Variants in EIF2AK4 observed in about 807,000 individuals in gnomAD.
The protein encoded by EIF2AK4 is eukaryotic translation initiation factor 2 alpha kinase 4.
A neutral mutation model predicts 211.1 loss-of-function variants in EIF2AK4; 139 were observed. That is an observed-to-expected ratio of 0.66 (90% CI 0.57 to 0.76). EIF2AK4 has a LOEUF of 0.76. Among genes scored for constraint, EIF2AK4 ranks in the 30% least tolerant of loss-of-function variants. The probability of loss-of-function intolerance (pLI) is 0.00; values close to 1 mark genes in which losing one functional copy is unlikely to be tolerated. For missense variants in EIF2AK4, 1,664 were observed against 2,043.8 expected (o/e 0.81, Z 3.58); for synonymous variants, 710 against 751.3 (o/e 0.94, Z 0.90).
intron 7 of EIF2AK4, among the ~76,000 whole-genome samples, chr15:39,963,519 G>T (rs1028294009): frequency 2.6e-5 from 4 of 151,992 alleles, no homozygotes; most frequent in Non-Finnish European, 4.4e-5. Flanking sequence ...TGCCCTAATT[G>T]TCTATGAAAT....
chr15:39,950,955 A>G (rs1332538425), intron 4 of EIF2AK4, among the ~76,000 whole-genome samples: 2 of 152,220 alleles, frequency 1.3e-5, no homozygotes, highest in Admixed American at 1.3e-4. Context: ...TTTGATTTGC[A>G]TTAATGCTTT....
chr15:40,017,025 A>C, intron 28 of EIF2AK4, 83 bp from the exon 29 acceptor site: 1 of 1,542,746 alleles, frequency 6.5e-7, no homozygotes, highest in Non-Finnish European at 8.9e-7. Flanking sequence ...GATGCTATTG[A>C]TGGGAAACAC....
intron 18 of EIF2AK4, among the ~76,000 whole-genome samples, chr15:39,995,185 G>A (rs1566998106): frequency 2.6e-5 from 4 of 152,082 alleles, no homozygotes; most frequent in Non-Finnish European, 2.9e-5. Context: ...GGGCATCTTA[G>A]ACATCAGTAA....
At chr15:40,022,482 CTG>C in intron 31 of EIF2AK4, 35 bp from the exon 32 acceptor site, 11 of 1,555,112 alleles carry the variant, frequency 7.1e-6, no homozygotes, top group Non-Finnish European at 9.7e-6. Flanking sequence ...TCCAGGTGCT[CTG>C]TGTTTATTTT....
chr15:40,011,282 C>T lies in EIF2AK4; in HGVS notation c.3695C>T (p.Thr1232Ile). The T allele has an allele frequency of 6.2e-7, 1 of 1,613,706 alleles. No individual in the cohort carries two copies. ...QVYIILYDAV[T>I]EKLTRREVEA... ...TGTTACCTTTTTCTTCCACGTTAGA[C>T]AGAGAAGCTGACGAGGAGAGAAGTG... The change falls in exon 27 of 39, where the codon ACA becomes ATA. Residue 1232 changes from threonine to isoleucine, a missense_variant and splice_region_variant. By Grantham distance (89) the Thr-to-Ile change is moderately conservative. Coordinates refer to ENST00000263791, the MANE Select transcript of EIF2AK4 (RefSeq NM_001013703.4).
At chr15:40,012,787 G>C (rs981485840) in intron 27 of EIF2AK4, among the ~76,000 whole-genome samples, 1 of 152,114 alleles carries the variant, frequency 6.6e-6, no homozygotes, top group Non-Finnish European at 1.5e-5. Context: ...ATGATGCTAA[G>C]TGTTAATTAG....
intron 2 of EIF2AK4, 75 bp downstream of exon 2, chr15:39,939,692 G>T: frequency 7.9e-7 from 1 of 1,262,456 alleles, no homozygotes; most frequent in Non-Finnish European, 1.1e-6. Context: ...ATTGAAATTC[G>T]TAGTATTTTC....
chr15:39,967,251 C>T, intron 8 of EIF2AK4, 93 bp from the exon 9 acceptor site: 3 of 1,387,342 alleles, frequency 2.2e-6, no homozygotes, highest in Non-Finnish European at 2.9e-6. Context: ...TTTATGCCCC[C>T]ATCTTGTATG....
rs2034029277 is a variant in EIF2AK4, at chr15:39,934,254, CG to C, written c.60del (p.Gln21AsnfsTer37). 6.2e-7 allele frequency: 1 copy of C among 1,610,126 alleles called. No homozygotes were observed. Among genetic ancestry groups the C allele is most frequent in the Non-Finnish European group, 8.5e-7 (1 of 1,178,574 alleles). ...CGGGACGAGCCTCCGGAGAGCTACC[CG>C]CAACGACAGGACCACGAGCTACAGG... ...RGRDEPPESY[P>X]QRQDHELQAL... On this transcript the variant is annotated frameshift_variant, in exon 1 of 39. Transcript: ENST00000263791. LOFTEE classifies it high-confidence loss of function.
intron 18 of EIF2AK4, among the ~76,000 whole-genome samples, chr15:39,994,395 C>T (rs1342763646): frequency 6.6e-6 from 1 of 152,128 alleles, no homozygotes; most frequent in Admixed American, 6.5e-5. Context: ...ATTGCCTGAG[C>T]TCAGGAGTTC....
intron 16 of EIF2AK4, chr15:39,991,348 T>G (rs2034942360): frequency 6.6e-6 from 1 of 152,288 alleles, no homozygotes; most frequent in Middle Eastern, 3.4e-3. Context: ...ACTAAAGAAT[T>G]TAACTTGATA....
At chr15:40,003,473 G>A (rs1207810029) in intron 23 of EIF2AK4, among the ~76,000 whole-genome samples, 159 bp downstream of exon 23, 4 of 152,192 alleles carry the variant, frequency 2.6e-5, no homozygotes, top group African/African-American at 4.8e-5. Flanking sequence ...TTACTGGGGT[G>A]GAGGAAATGT....
At chr15:39,960,652 G>A (rs1411853697) in intron 6 of EIF2AK4, among the ~76,000 whole-genome samples, 3 of 151,984 alleles carry the variant, frequency 2.0e-5, no homozygotes. Flanking sequence ...GGAGGGGAAT[G>A]TATGGATCAG....
At chr15:40,020,184 A>G (rs2035364305) in intron 30 of EIF2AK4, among the ~76,000 whole-genome samples, 1 of 151,590 alleles carries the variant, frequency 6.6e-6, no homozygotes, top group South Asian at 2.1e-4. Context: ...AAAAAGAAAA[A>G]AGAAAAGAAA....
At chr15:40,027,768 G>C (rs1320261787) in intron 33 of EIF2AK4, among the ~76,000 whole-genome samples, 1 of 152,022 alleles carries the variant, frequency 6.6e-6, no homozygotes, top group Non-Finnish European at 1.5e-5. Flanking sequence ...GCGGGCACCT[G>C]TAGTCCCAGC....
chr15:40,002,850 G>A (rs370728928), intron 22 of EIF2AK4, 62 bp downstream of exon 22: 151 of 1,551,166 alleles, frequency 9.7e-5, no homozygotes, highest in Non-Finnish European at 1.3e-4. Flanking sequence ...TCATTAGAAA[G>A]TACTGTTAGT....
chr15:39,950,501 GAA>G (rs1348772264), intron 4 of EIF2AK4, among the ~76,000 whole-genome samples: 1 of 150,900 alleles, frequency 6.6e-6, no homozygotes, highest in East Asian at 2.0e-4. Flanking sequence ...TGAGGCACGA[GAA>G]TTGCTCGAAC....
chr15:39,981,334 C>A (rs1418994861), intron 13 of EIF2AK4, among the ~76,000 whole-genome samples: 1 of 151,820 alleles, frequency 6.6e-6, no homozygotes, highest in Non-Finnish European at 1.5e-5. Flanking sequence ...CACGTCATTG[C>A]ACTCCAGCCT....
chr15:39,978,274 G>T, intron 13 of EIF2AK4, 127 bp downstream of exon 13: 1 of 448,964 alleles, frequency 2.2e-6, no homozygotes. Context: ...AATTTTAAAA[G>T]ATGATTATTC....
Sources: allele counts gnomAD v4.1 joint callset (sites outside exome capture counted in the v4.1 genomes callset), GRCh38; gene constraint gnomAD v4.1.1; transcripts MANE v1.5; gene names NCBI Gene and HGNC (gene_info 2026-07-23, HGNC 2026-07-21).